Variants in ANKS1B observed in about 807,000 individuals in gnomAD.
ANKS1B encodes ankyrin repeat and sterile alpha motif domain-containing protein 1B.
A neutral mutation model predicts 148.3 loss-of-function variants in ANKS1B; 36 were observed. That is an observed-to-expected ratio of 0.24 (90% CI 0.19 to 0.32). ANKS1B has a LOEUF of 0.32. Ranked by LOEUF, ANKS1B falls within the 10% of genes least tolerant of loss-of-function variation. The pLI, the probability that ANKS1B is intolerant of heterozygous loss-of-function variation, is 1.00. For synonymous variants in ANKS1B, 542 were observed against 560.8 expected (o/e 0.97, Z 0.47); for missense variants, 1,157 against 1,542.6 (o/e 0.75, Z 4.19).
intron 15 of ANKS1B, among the ~76,000 whole-genome samples, chr12:99,101,061 C>T (rs10745842): frequency 0.56 from 84,465 of 151,976 alleles, 24,456 homozygotes; most frequent in East Asian, 0.74. Flanking sequence ...AGAAAAGAAA[C>T]GGTATAGTGA....
At chr12:99,762,289 AC>A (rs1279628702) in intron 8 of ANKS1B, among the ~76,000 whole-genome samples, 1 of 152,124 alleles carries the variant, frequency 6.6e-6, no homozygotes, top group Non-Finnish European at 1.5e-5. Context: ...CCAACTTCCA[AC>A]TATACTATAC....
chr12:99,437,142 G>A (rs985506039), intron 11 of ANKS1B, among the ~76,000 whole-genome samples: 1 of 151,970 alleles, frequency 6.6e-6, no homozygotes, highest in African/African-American at 2.4e-5. Flanking sequence ...TTCCACCTTG[G>A]TTGGGTTCTG....
intron 17 of ANKS1B, among the ~76,000 whole-genome samples, chr12:98,833,696 G>C (rs1165423313): frequency 6.6e-6 from 1 of 152,096 alleles, no homozygotes; most frequent in Non-Finnish European, 1.5e-5. Context: ...CCGTCACCAG[G>C]TAGTATGCAT....
Position 99,213,449 on chromosome 12 carries a change from A to G in ANKS1B, c.2419+30893T>C, listed in dbSNP as rs528125556. The stretch of plus-strand genomic sequence containing the variant: ...TCCCGAAGTCTAGCAGCACTGGGGA[A>G]GAGTAGAAACCTTACTGTCAGACTT... On this transcript the variant is annotated intron_variant, in intron 14 of 26. Transcript: ENST00000683438. Among the ~76,000 whole-genome samples, 6 of 152,320 alleles carry G rather than the reference A, an allele frequency of 3.9e-5. No homozygotes were observed. The South Asian group carries it at 1.2e-3, about 32-fold the overall frequency.
intron 8 of ANKS1B, among the ~76,000 whole-genome samples, chr12:99,711,780 C>T (rs1424572268): frequency 6.6e-6 from 1 of 152,182 alleles, no homozygotes; most frequent in African/African-American, 2.4e-5. Context: ...TTGTGGAAGA[C>T]AGTGTGGAAA....
chr12:99,198,849 T>G (rs915374083), intron 14 of ANKS1B, among the ~76,000 whole-genome samples: 7 of 152,184 alleles, frequency 4.6e-5, no homozygotes, highest in Admixed American at 3.9e-4. Context: ...GTCTAACCTG[T>G]GTGACCAATG....
downstream of ANKS1B, among the ~76,000 whole-genome samples, chr12:98,742,208 G>A (rs913837883): frequency 7.2e-5 from 11 of 152,184 alleles, no homozygotes; most frequent in African/African-American, 4.8e-5. Flanking sequence ...TTAAACCTCC[G>A]CGGCTGCAGT....
At chr12:99,964,707 A>G (rs1302589689) in intron 1 of ANKS1B, among the ~76,000 whole-genome samples, 1 of 152,238 alleles carries the variant, frequency 6.6e-6, no homozygotes, top group Non-Finnish European at 1.5e-5. Flanking sequence ...GGGCATCCAC[A>G]TGCAAGGGTG....
intron 15 of ANKS1B, among the ~76,000 whole-genome samples, chr12:99,114,222 T>C (rs1297672662): frequency 2.0e-5 from 3 of 152,194 alleles, no homozygotes; most frequent in Non-Finnish European, 4.4e-5. Flanking sequence ...AATATTTGTG[T>C]CTATGATGAT....
chr12:99,605,188 T>A (rs1020726965), intron 9 of ANKS1B, among the ~76,000 whole-genome samples: 8 of 152,088 alleles, frequency 5.3e-5, no homozygotes, highest in Non-Finnish European at 1.0e-4. Flanking sequence ...AACATTTTCA[T>A]AAACATTTTT....
At chr12:99,847,112 T>C (rs2086801040) in intron 1 of ANKS1B, among the ~76,000 whole-genome samples, 1 of 151,790 alleles carries the variant, frequency 6.6e-6, no homozygotes, top group Non-Finnish European at 1.5e-5. Context: ...TTTCTTTCTT[T>C]TTTTTTTTTC....
intron 9 of ANKS1B, among the ~76,000 whole-genome samples, chr12:99,595,706 A>G (rs1350852429): frequency 6.6e-6 from 1 of 151,962 alleles, no homozygotes; most frequent in Non-Finnish European, 1.5e-5. Context: ...CTTGGGTTAA[A>G]ACATGCCCCT....
chr12:99,418,345 T>G, intron 11 of ANKS1B, among the ~76,000 whole-genome samples: 1 of 152,202 alleles, frequency 6.6e-6, no homozygotes, highest in Middle Eastern at 3.2e-3. Context: ...GATAAAAGTG[T>G]TAGATTTATA....
chr12:99,906,439 A>G (rs2093785226), intron 1 of ANKS1B, among the ~76,000 whole-genome samples: 2 of 152,218 alleles, frequency 1.3e-5, no homozygotes, highest in African/African-American at 4.8e-5. Context: ...TTTTCAGAGG[A>G]GGGCTGGTTA....
chr12:99,704,571 TACAC>T (rs57979625), intron 8 of ANKS1B, among the ~76,000 whole-genome samples: 29,022 of 150,868 alleles, frequency 0.19, 3,209 homozygotes, highest in East Asian at 0.46. Flanking sequence ...CACATACATA[TACAC>T]ACACACACAC....
intron 1 of ANKS1B, among the ~76,000 whole-genome samples, chr12:99,860,706 T>C (rs960343231): frequency 6.6e-6 from 1 of 152,018 alleles, no homozygotes; most frequent in Non-Finnish European, 1.5e-5. Context: ...GTAAGAGGAA[T>C]TGGGAATGAA....
intron 8 of ANKS1B, among the ~76,000 whole-genome samples, chr12:99,689,234 A>T (rs1006046399): frequency 2.0e-5 from 3 of 152,240 alleles, no homozygotes; most frequent in African/African-American, 4.8e-5. Flanking sequence ...TCATGTTTGA[A>T]TTCCTAATAA....
intron 1 of ANKS1B, among the ~76,000 whole-genome samples, chr12:99,936,835 T>TCC (rs1469387686): frequency 3.9e-5 from 6 of 152,212 alleles, no homozygotes; most frequent in African/African-American, 1.2e-4. Flanking sequence ...TTATATAGCT[T>TCC]CCAACTTTGT....
chr12:98,965,113 A>G (rs1274810180), intron 17 of ANKS1B, among the ~76,000 whole-genome samples: 3 of 152,182 alleles, frequency 2.0e-5, no homozygotes, highest in South Asian at 4.1e-4. Context: ...AATAAAAAAA[A>G]AACCCCTGGA....
Sources: gnomAD v4.1 joint callset for allele counts (sites outside exome capture counted in the v4.1 genomes callset) on GRCh38, gnomAD v4.1.1 for gene constraint, MANE v1.5 for transcripts, NCBI Gene and HGNC (gene_info 2026-07-23, HGNC 2026-07-21) for gene names.